Variants in TEAD2 observed in about 807,000 individuals in gnomAD.
TEAD2 encodes the protein TEA domain transcription factor 2.
Under a neutral mutation model 61.4 loss-of-function variants are expected in TEAD2, and 51 were observed. The ratio of observed to expected loss-of-function variants is 0.83; its 90% CI spans 0.66 to 1.05. The LOEUF is 1.05. Ranked by LOEUF, TEAD2 falls within the 50% of genes least tolerant of loss-of-function variation. TEAD2 has a pLI of 0.00. For synonymous variants in TEAD2, 244 were observed against 243.2 expected (o/e 1.00, Z -0.03); for missense variants, 509 against 600.0 (o/e 0.85, Z 1.58).
At position 49,351,283 on chromosome 19, in the gene TEAD2, T is replaced by G. The variant is rs1600738519; in HGVS notation, c.604+18A>C. ...GAGAGAGAGGGGAGACAAGGGAGGG[T>G]GGAGCGCAGGCTCTTACCTGGGAGG... On this transcript the variant is annotated intron_variant, in intron 8 of 12. Coordinates refer to ENST00000593945, the MANE Select transcript of TEAD2 (RefSeq NM_001256660.2). 1 of 1,605,838 alleles carries G rather than the reference T, an allele frequency of 6.2e-7. No individual in the cohort carries two copies. The highest frequency in any genetic ancestry group is 8.5e-7 in the Non-Finnish European group (1 of 1,176,506).
At chr19:49,360,720 G>A (rs531326373) in intron 1 of TEAD2, among the ~76,000 whole-genome samples, 11 of 144,704 alleles carry the variant, frequency 7.6e-5, no homozygotes, top group Non-Finnish European at 1.4e-4. Context: ...ACTGAGGGGA[G>A]GTCTAGAGAG....
At position 49,343,397 on chromosome 19, in the gene TEAD2, G is replaced by C; in HGVS notation, c.923C>G (p.Ala308Gly). 6.2e-7 allele frequency: 1 copy of C among 1,603,348 alleles called. No individual in the cohort carries two copies. Among genetic ancestry groups the C allele is most frequent in the Non-Finnish European group, 8.5e-7 (1 of 1,176,370 alleles). The change falls in exon 11 of 13, where the codon GCG (alanine) becomes GGG (glycine). Residue 308 changes from alanine to glycine, a missense_variant and splice_region_variant. Ala to Gly is a moderately conservative substitution (Grantham distance 60). Coordinates refer to ENST00000593945, the MANE Select transcript of TEAD2 (RefSeq NM_001256660.2). ...ACCACTTGGGCCCCAGTTCAGGTCC[G>C]CCTGGGAGATGGGAAGGCACAGATG... Reference protein sequence around the residue: ...PHAFFLVKFWADLNWGPSGEE... With the variant: ...PHAFFLVKFWGDLNWGPSGEE...
At chr19:49,362,098 C>A (rs1366192874) in intron 1 of TEAD2, among the ~76,000 whole-genome samples, 1 of 152,200 alleles carries the variant, frequency 6.6e-6, no homozygotes, top group Admixed American at 6.5e-5. Flanking sequence ...CGCAGACGCA[C>A]GCCCCACACC....
intron 5 of TEAD2, 61 bp from the exon 6 acceptor site, chr19:49,355,480 G>A: frequency 7.0e-7 from 1 of 1,432,320 alleles, no homozygotes; most frequent in South Asian, 1.2e-5. Context: ...GCAAGAGGGG[G>A]ATGGTGCCAG....
intron 1 of TEAD2, among the ~76,000 whole-genome samples, chr19:49,361,052 AG>A (rs1972858723): frequency 1.7e-5 from 1 of 57,498 alleles, no homozygotes; most frequent in Non-Finnish European, 3.0e-5. Flanking sequence ...GAGACCAGAG[AG>A]GGGGACAGAG....
chr19:49,348,930 T>C, intron 8 of TEAD2, 85 bp from the exon 9 acceptor site: 1 of 1,418,060 alleles, frequency 7.1e-7, no homozygotes, highest in South Asian at 1.6e-5. Context: ...TGCCTCCACT[T>C]AGAAGCTGAA....
At chr19:49,345,049 T>TGCTCCTCTGAACCCCTTCAGCA (rs1163641925) in intron 10 of TEAD2, among the ~76,000 whole-genome samples, 2 of 152,214 alleles carry the variant, frequency 1.3e-5, no homozygotes, top group African/African-American at 4.8e-5. Flanking sequence ...CCTTACCAGC[T>TGCTCCTCTGAACCCCTTCAGCA]GCTCCTCTGA....
Position 49,355,837 on chromosome 19 carries a change from A to C in TEAD2, c.372+122T>G, listed in dbSNP as rs866389693. The C allele has an allele frequency of 1.1e-4, 108 of 985,292 alleles. 3 individuals carry two copies. In the South Asian group the frequency reaches 1.6e-3, roughly 15 times the overall value. 61.0% of individuals were successfully genotyped at this position (985,292 alleles called of 1,614,324 possible). On this transcript the variant is annotated intron_variant, in intron 5 of 12. Transcript: ENST00000593945. The stretch of plus-strand genomic sequence containing the variant: ...CAAGACCCTGTCTCCAAAAAGAAAA[A>C]AAAAGGCAAAGGCTTGGGTTGGGGG...
At position 49,351,369 on chromosome 19, in the gene TEAD2, A is replaced by T. The variant is rs768302912; in HGVS notation, c.540-4T>A. ...TGTCTGTGAGAATGGCTTCACACTG[A>T]GGGAAAAAGGAAGCCAGGGGTTAGC... is the stretch of plus-strand genomic sequence containing the variant. On this transcript the variant is annotated splice_region_variant and splice_polypyrimidine_tract_variant and intron_variant, in intron 7 of 12. Coordinates refer to ENST00000593945, the MANE Select transcript of TEAD2 (RefSeq NM_001256660.2). The T allele has an allele frequency of 6.2e-7, 1 of 1,608,554 alleles. No homozygotes were observed. Among genetic ancestry groups the T allele is most frequent in the Non-Finnish European group, 8.5e-7 (1 of 1,178,086 alleles).
At chr19:49,360,311 A>G (rs975007196) in intron 1 of TEAD2, 9 of 537,878 alleles carry the variant, frequency 1.7e-5, no homozygotes, top group African/African-American at 1.0e-4. Context: ...CCGGACTCCT[A>G]GGACTGAGGG....
intron 8 of TEAD2, among the ~76,000 whole-genome samples, chr19:49,349,881 T>C (rs889964948): frequency 1.3e-5 from 2 of 152,124 alleles, no homozygotes; most frequent in Non-Finnish European, 2.9e-5. Context: ...CTTGGGACAA[T>C]AAGACAGACA....
Position 49,351,300 on chromosome 19 carries a change from C to G in TEAD2, c.604+1G>C. ...AGGGAGGGTGGAGCGCAGGCTCTTA[C>G]CTGGGAGGTCAGTAGATGGGGGAGT... On this transcript the variant is annotated splice_donor_variant, in intron 8 of 12. Coordinates refer to ENST00000593945, the MANE Select transcript of TEAD2 (RefSeq NM_001256660.2). LOFTEE classifies it high-confidence loss of function. 1 of 1,610,786 alleles carries G rather than the reference C, an allele frequency of 6.2e-7. No homozygotes were observed. The highest frequency in any genetic ancestry group is 8.5e-7 in the Non-Finnish European group (1 of 1,178,834).
intron 8 of TEAD2, 193 bp from the exon 9 acceptor site, chr19:49,349,038 G>T (rs1971834953): frequency 5.2e-6 from 3 of 571,868 alleles, no homozygotes; most frequent in Non-Finnish European, 8.1e-6. Flanking sequence ...CTGCTGGGGG[G>T]CTTCTGGGAA....
chr19:49,345,149 C>T lies in TEAD2; in HGVS notation c.922-1751G>A, dbSNP rs555668969. The stretch of plus-strand genomic sequence containing the variant: ...TCTTAAGCCCCAACAATGTCTAAGC[C>T]CTCAGCTGCACATCCCCAGAGCAGT... On this transcript the variant is annotated intron_variant, in intron 10 of 12. Transcript: ENST00000593945. Among the ~76,000 whole-genome samples, 6 of 152,242 alleles carry T rather than the reference C, an allele frequency of 3.9e-5. No homozygotes were observed. The East Asian group carries it at 9.7e-4, about 25-fold the overall frequency.
At chr19:49,351,921 T>C (rs375241829) in intron 7 of TEAD2, among the ~76,000 whole-genome samples, 1 of 151,238 alleles carries the variant, frequency 6.6e-6, no homozygotes, top group Non-Finnish European at 1.5e-5. Context: ...GGGAGGCAGA[T>C]GTTGCAGTGA....
intron 7 of TEAD2, among the ~76,000 whole-genome samples, 196 bp downstream of exon 7, chr19:49,354,952 C>T (rs551922216): frequency 2.0e-5 from 3 of 152,252 alleles, no homozygotes; most frequent in South Asian, 2.1e-4. Context: ...GAGCCGAGAT[C>T]GCACCACTGT....
In TEAD2 at chr19:49,354,226, C is replaced by T. The variant is rs531593711; in HGVS notation, c.539+922G>A. On this transcript the variant is annotated intron_variant, in intron 7 of 12. Transcript: ENST00000593945. ...TGGGCTGAGAAATACACCCCTAGCCCGCCACGGTGGCTCACGCCTGTAATC... is the reference window on the plus strand; with the variant it reads ...TGGGCTGAGAAATACACCCCTAGCCTGCCACGGTGGCTCACGCCTGTAATC... 9.9e-5 allele frequency among the ~76,000 whole-genome samples: 15 copies of T among 151,972 alleles called. No individual in the cohort carries two copies. The South Asian group carries it at 1.0e-3, about 11-fold the overall frequency.
rs1971279044 is a variant in TEAD2 at position 49,341,695 on chromosome 19, A to T, written c.1243-258T>A. 1.3e-5 allele frequency among the ~76,000 whole-genome samples: 2 copies of T among 152,086 alleles called. No individual in the cohort carries two copies. Among genetic ancestry groups the T allele is most frequent in the African/African-American group, 4.8e-5 (2 of 41,398 alleles). ...GTTAATCGGGTTCCCATCACATCAC[A>T]TTCCCTGGGTAAAAGGGGTCCCCAT... On this transcript the variant is annotated intron_variant, in intron 12 of 12. Transcript: ENST00000593945. This position sits in a 1 kb window ranked among gnomAD's most constrained non-coding sequence, Gnocchi z 4.2.
chr19:49,360,004 C>T lies in TEAD2; in HGVS notation c.72G>A (p.Glu24=), dbSNP rs559705357. The change falls in exon 2 of 13, where the codon GAG becomes GAA. Residue 24 remains glutamate (E), a synonymous_variant. Transcript: ENST00000593945. The part of the protein sequence containing the change: ...SGWTGSEEGS[E]EGTGGSEGAG... Reference sequence around the variant, plus strand: ...CCCCCTCACTGCCGCCGGTACCCTCCTCACTGCCTTCCTCACTGCCCGTCC... The same window carrying T: ...CCCCCTCACTGCCGCCGGTACCCTCTTCACTGCCTTCCTCACTGCCCGTCC... 6.2e-7 allele frequency: 1 copy of T among 1,609,592 alleles called. No individual in the cohort carries two copies. Among genetic ancestry groups the T allele is most frequent in the African/African-American group, 1.3e-5 (1 of 75,072 alleles).
Sources: allele counts gnomAD v4.1 joint callset (sites outside exome capture counted in the v4.1 genomes callset), GRCh38; gene constraint gnomAD v4.1.1; non-coding constraint Gnocchi (gnomAD v3.1); transcripts MANE v1.5; gene names NCBI Gene and HGNC (gene_info 2026-07-23, HGNC 2026-07-21).